Variants in RIMS2 observed in about 807,000 individuals in gnomAD.
The protein encoded by RIMS2 is regulating synaptic membrane exocytosis protein 2.
In RIMS2, 59 loss-of-function variants were observed where a neutral mutation model predicts 174.4. The ratio of observed to expected loss-of-function variants is 0.34; its 90% CI spans 0.27 to 0.42. The LOEUF (loss-of-function observed/expected upper bound fraction) is 0.42. RIMS2 is among the 10% of genes least tolerant of loss of function. The pLI is 1.00. For missense variants in RIMS2, 1,620 were observed against 1,666.3 expected, an observed-to-expected ratio of 0.97 and a Z score of 0.48; for synonymous variants, 606 against 572.5, an observed-to-expected ratio of 1.06 and a Z score of -0.84.
At chr8:104,127,781 G>T (rs1489955378) in intron 19 of RIMS2, among the ~76,000 whole-genome samples, 1 of 151,682 alleles carries the variant, frequency 6.6e-6, no homozygotes, top group African/African-American at 2.4e-5. Flanking sequence ...TGCCCTCAAA[G>T]ACAAAACTTA....
At chr8:103,967,481 A>C (rs2092206224) in intron 15 of RIMS2, among the ~76,000 whole-genome samples, 1 of 150,802 alleles carries the variant, frequency 6.6e-6, no homozygotes, top group South Asian at 2.1e-4. Flanking sequence ...GGCATGAACC[A>C]CCATGCCCAG....
chr8:104,035,216 C>T (rs905655346), intron 19 of RIMS2, among the ~76,000 whole-genome samples: 11 of 151,084 alleles, frequency 7.3e-5, no homozygotes, highest in Non-Finnish European at 1.3e-4. Flanking sequence ...GAAACCATAA[C>T]GTGCTCTTAT....
chr8:104,162,764 A>T (rs2098771168), intron 19 of RIMS2, among the ~76,000 whole-genome samples: 1 of 152,188 alleles, frequency 6.6e-6, no homozygotes, highest in Non-Finnish European at 1.5e-5. Context: ...CTGTAAATAA[A>T]CCATAAAGAA....
At chr8:103,981,169 C>T (rs968118042) in intron 16 of RIMS2, among the ~76,000 whole-genome samples, 1 of 152,158 alleles carries the variant, frequency 6.6e-6, no homozygotes, top group African/African-American at 2.4e-5. Context: ...CTGTGCAGAA[C>T]CAGCGGTGGT....
chr8:104,243,530 C>A (rs2099313609), intron 19 of RIMS2, among the ~76,000 whole-genome samples: 1 of 151,974 alleles, frequency 6.6e-6, no homozygotes, highest in African/African-American at 2.4e-5. Context: ...ACTAAAAATA[C>A]AAAAAATTAG....
intron 3 of RIMS2, among the ~76,000 whole-genome samples, chr8:103,844,902 T>C (rs1459674966): frequency 6.6e-6 from 1 of 152,106 alleles, no homozygotes; most frequent in Admixed American, 6.6e-5. Context: ...TTAAAGAGAA[T>C]ATTACTTTAT....
At chr8:104,212,741 A>C (rs1450547541) in intron 19 of RIMS2, among the ~76,000 whole-genome samples, 1 of 137,436 alleles carries the variant, frequency 7.3e-6, no homozygotes, top group Non-Finnish European at 1.7e-5. Flanking sequence ...AGGTCTTATA[A>C]ACCACTTCAG....
chr8:103,839,067 A>T (rs2098923301), intron 3 of RIMS2, among the ~76,000 whole-genome samples: 1 of 152,158 alleles, frequency 6.6e-6, no homozygotes, highest in African/African-American at 2.4e-5. Flanking sequence ...TCCGTCTCAA[A>T]AAAAAAGGCC....
chr8:103,765,367 G>T (rs1327773721), intron 2 of RIMS2, among the ~76,000 whole-genome samples: 1 of 152,098 alleles, frequency 6.6e-6, no homozygotes, highest in Non-Finnish European at 1.5e-5. Context: ...TTGTGCCGGG[G>T]TTGGAGGAGA....
intron 19 of RIMS2, among the ~76,000 whole-genome samples, chr8:104,193,617 A>T (rs2099009188): frequency 1.3e-5 from 2 of 152,188 alleles, no homozygotes; most frequent in Non-Finnish European, 2.9e-5. Context: ...AAAGATGGGC[A>T]TTACTTCCTA....
chr8:103,615,718 C>T (rs927147351), intron 1 of RIMS2, among the ~76,000 whole-genome samples: 1 of 152,028 alleles, frequency 6.6e-6, no homozygotes, highest in African/African-American at 2.4e-5. Context: ...GAAATAAAAA[C>T]AACCATCAGA....
intron 2 of RIMS2, among the ~76,000 whole-genome samples, chr8:103,748,521 T>G (rs1394372589): frequency 6.6e-6 from 1 of 152,134 alleles, no homozygotes; most frequent in African/African-American, 2.4e-5. Flanking sequence ...CTTTATACCC[T>G]CAACTTTTTT....
At chr8:103,936,421 A>G in intron 12 of RIMS2, 130 bp from the exon 15 acceptor site, 1 of 557,176 alleles carries the variant, frequency 1.8e-6, no homozygotes, top group East Asian at 3.0e-5. Context: ...AGGTTATAAC[A>G]TTTGCAATGT....
chr8:104,165,875 TGTC>T (rs2098793723), intron 19 of RIMS2, among the ~76,000 whole-genome samples: 1 of 152,088 alleles, frequency 6.6e-6, no homozygotes, highest in South Asian at 2.1e-4. Context: ...AGAAAAATGG[TGTC>T]GTGCAGGCAC....
intron 19 of RIMS2, among the ~76,000 whole-genome samples, chr8:104,173,149 T>C (rs1428634153): frequency 6.6e-6 from 1 of 152,248 alleles, no homozygotes; most frequent in African/African-American, 2.4e-5. Context: ...TTTTGGTCTT[T>C]TATTTTTTGA....
At chr8:103,990,950 A>G (rs1298414754) in intron 17 of RIMS2, among the ~76,000 whole-genome samples, 1 of 151,942 alleles carries the variant, frequency 6.6e-6, no homozygotes, top group Non-Finnish European at 1.5e-5. Context: ...ATAATACTTT[A>G]TAAATATTTA....
intron 2 of RIMS2, among the ~76,000 whole-genome samples, chr8:103,755,025 C>T (rs10097397): frequency 1.3e-5 from 2 of 151,916 alleles, no homozygotes. Flanking sequence ...TCATAGTGTC[C>T]ATGGTCTTTA....
chr8:103,880,589 G>A (rs995290816), intron 3 of RIMS2: 5 of 449,616 alleles, frequency 1.1e-5, no homozygotes, highest in African/African-American at 2.0e-5. Flanking sequence ...GATTTTGCCA[G>A]GGCTAGAAGG....
chr8:104,079,192 A>G (rs2097358160), intron 19 of RIMS2, among the ~76,000 whole-genome samples: 1 of 152,142 alleles, frequency 6.6e-6, no homozygotes, highest in Non-Finnish European at 1.5e-5. Context: ...TTTTAGTAAC[A>G]TAAAGTTTCT....
Sources: allele counts gnomAD v4.1 joint callset (sites outside exome capture counted in the v4.1 genomes callset), GRCh38; gene constraint gnomAD v4.1.1; transcripts MANE v1.5; gene names NCBI Gene and HGNC (gene_info 2026-07-23, HGNC 2026-07-21).